HS6ST2: variants seen among roughly 807,000 people sequenced by gnomAD.
HS6ST2 encodes the protein heparan sulfate 6-O-sulfotransferase 2.
A neutral mutation model predicts 33.0 loss-of-function variants in HS6ST2; 17 were observed. The ratio of observed to expected loss-of-function variants is 0.52; its 90% CI spans 0.35 to 0.77. The LOEUF is 0.77. Among genes scored for constraint, HS6ST2 ranks in the 30% least tolerant of loss-of-function variants. The pLI is 0.01. For synonymous variants in HS6ST2, 248 were observed against 237.1 expected (o/e 1.05, Z -0.42); for missense variants, 519 against 551.7 (o/e 0.94, Z 0.59).
chrX:132,745,390 A>G (rs2064629071), intron 2 of HS6ST2, among the ~76,000 whole-genome samples: 1 of 111,704 alleles, frequency 9.0e-6, no homozygotes, highest in Non-Finnish European at 1.9e-5. Context: ...CAGCCCCGAT[A>G]GTTTTTTTTT....
intron 2 of HS6ST2, among the ~76,000 whole-genome samples, chrX:132,744,306 G>A: frequency 9.0e-6 from 1 of 111,689 alleles, no homozygotes; most frequent in East Asian, 2.8e-4. Flanking sequence ...CAGCTGAGAA[G>A]CTTTAGAGTC....
intron 2 of HS6ST2, among the ~76,000 whole-genome samples, chrX:132,947,519 G>A (rs1167514590): frequency 9.0e-6 from 1 of 111,353 alleles, no homozygotes; most frequent in Non-Finnish European, 1.9e-5. Context: ...ATTACACAGT[G>A]ATCTGTTTAT....
chrX:132,664,294 C>A (rs1007755262), intron 4 of HS6ST2, among the ~76,000 whole-genome samples: 3 of 112,297 alleles, frequency 2.7e-5, no homozygotes, highest in Non-Finnish European at 3.8e-5. Context: ...CAGGTGTGAG[C>A]CACCACGCCC....
At chrX:132,727,143 A>C (rs1001792183) in intron 2 of HS6ST2, among the ~76,000 whole-genome samples, 7 of 110,142 alleles carry the variant, frequency 6.4e-5, no homozygotes, top group Non-Finnish European at 1.1e-4. Context: ...CTTAAAAAAA[A>C]ACTAAAACTA....
chrX:132,880,523 TAA>T (rs201106795), intron 2 of HS6ST2, among the ~76,000 whole-genome samples: 1 of 2,528 alleles, frequency 4.0e-4, no homozygotes, highest in African/African-American at 1.1e-3. Flanking sequence ...AGACTCTGTG[TAA>T]AAAAAAAAAG....
intron 2 of HS6ST2, among the ~76,000 whole-genome samples, chrX:132,817,442 A>G (rs2065405015): frequency 9.0e-6 from 1 of 111,264 alleles, no homozygotes; most frequent in Admixed American, 9.7e-5. Context: ...AAATCAGTGT[A>G]ACAGCCCTCC....
At position 132,637,405 on chromosome X, in the gene HS6ST2, C is replaced by T. The variant is rs1007453997; in HGVS notation, c.1068-8312G>A. 5.4e-5 allele frequency among the ~76,000 whole-genome samples: 6 copies of T among 110,320 alleles called. No homozygotes were observed. The Admixed American group carries it at 5.9e-4, about 11-fold the overall frequency. The stretch of plus-strand genomic sequence containing the variant: ...GGATGCAAGCCCTATCTTCTCTCTA[C>T]CCCTTGGAGAAACCCTGGGGGCACC... On this transcript the variant is annotated intron_variant, in intron 4 of 4. Coordinates refer to ENST00000370833, the MANE Select transcript of HS6ST2 (RefSeq NM_001394073.1).
At chrX:132,774,190 C>T (rs1469211692) in intron 2 of HS6ST2, among the ~76,000 whole-genome samples, 3 of 112,156 alleles carry the variant, frequency 2.7e-5, no homozygotes, top group Admixed American at 1.9e-4. Context: ...AAAGTCCCTG[C>T]CCTCATAAAT....
At chrX:132,865,147 T>G (rs1190413175) in intron 2 of HS6ST2, among the ~76,000 whole-genome samples, 17 of 65,579 alleles carry the variant, frequency 2.6e-4, no homozygotes, top group African/African-American at 3.8e-4. Context: ...CCCACAACAG[T>G]CCCCAGAGTG....
chrX:132,666,692 T>C (rs191506838), intron 4 of HS6ST2, among the ~76,000 whole-genome samples: 1 of 111,882 alleles, frequency 8.9e-6, no homozygotes, highest in East Asian at 2.8e-4. Context: ...AGCTTGACTT[T>C]TGCTTTTTTG....
At chrX:132,767,384 A>T in intron 2 of HS6ST2, among the ~76,000 whole-genome samples, 1 of 111,472 alleles carries the variant, frequency 9.0e-6, no homozygotes, top group South Asian at 3.8e-4. Flanking sequence ...ATGCCCAGTG[A>T]TTTTTTAAAT....
rs377149532 is a variant in HS6ST2 at position 132,957,129 on chromosome X, T to C, written c.626A>G (p.Asn209Ser). 6.6e-6 allele frequency: 8 copies of C among 1,209,331 alleles called. No individual in the cohort carries two copies. The African/African-American group carries it at 8.8e-5, about 13-fold the overall frequency. ...GCGCAGGAGGTCGCCGCGGGTGAAA[T>C]TGTAGCGGGGCACGAACCTGGCGGA... ...ESSARFVPRY[N>S]FTRGDLLRKV... The change falls in exon 2 of 5, where the codon AAT becomes AGT. Residue 209 changes from asparagine to serine, a missense_variant. Physicochemically the swap from Asn to Ser is conservative, Grantham distance 46. Transcript: ENST00000370833.
intron 2 of HS6ST2, among the ~76,000 whole-genome samples, chrX:132,737,217 A>G (rs2064517832): frequency 9.0e-6 from 1 of 111,646 alleles, no homozygotes. Context: ...GGGAACCTGG[A>G]CAAACTGAAG....
intron 3 of HS6ST2, among the ~76,000 whole-genome samples, chrX:132,680,106 G>T (rs1040079093): frequency 9.3e-6 from 1 of 108,008 alleles, no homozygotes; most frequent in African/African-American, 3.4e-5. Flanking sequence ...ACAGGCATAG[G>T]AAATCACAAG....
intron 2 of HS6ST2, among the ~76,000 whole-genome samples, chrX:132,747,953 CTA>C (rs773621717): frequency 9.0e-6 from 1 of 111,479 alleles, no homozygotes; most frequent in Admixed American, 9.5e-5. Flanking sequence ...GACAAAAATC[CTA>C]TGTTATTTTC....
intron 2 of HS6ST2, among the ~76,000 whole-genome samples, chrX:132,758,779 G>A (rs994679265): frequency 1.8e-5 from 2 of 111,904 alleles, no homozygotes; most frequent in African/African-American, 3.2e-5. Context: ...TATTTTCACC[G>A]AGTCCTCTTA....
At chrX:132,865,147 T>A (rs1190413175) in intron 2 of HS6ST2, among the ~76,000 whole-genome samples, 1 of 65,567 alleles carries the variant, frequency 1.5e-5, no homozygotes, top group Non-Finnish European at 2.6e-5. Flanking sequence ...CCCACAACAG[T>A]CCCCAGAGTG....
Position 132,927,668 on chromosome X carries a change from A to T in HS6ST2, c.947+29140T>A, listed in dbSNP as rs187825810. Among the ~76,000 whole-genome samples the T allele has an allele frequency of 7.2e-5, 8 of 111,166 alleles. No individual in the cohort carries two copies. The East Asian group carries it at 2.3e-3, about 31-fold the overall frequency. On this transcript the variant is annotated intron_variant, in intron 2 of 4. Transcript: ENST00000370833. ...TAAAGAAATGCTTGAGTTTGAGACC[A>T]GCCCGAGCAACATGGCAAAACCCCG... is the stretch of plus-strand genomic sequence containing the variant.
intron 2 of HS6ST2, among the ~76,000 whole-genome samples, chrX:132,788,229 C>T (rs1463853401): frequency 8.9e-6 from 1 of 111,795 alleles, no homozygotes; most frequent in East Asian, 2.8e-4. Flanking sequence ...AGCATGTGCT[C>T]ACTTCATGTC....
Sources: allele counts gnomAD v4.1 joint callset (sites outside exome capture counted in the v4.1 genomes callset), GRCh38; gene constraint gnomAD v4.1.1; transcripts MANE v1.5; gene names NCBI Gene and HGNC (gene_info 2026-07-23, HGNC 2026-07-21).